The following SOX6 variants were observed in gnomAD, a reference collection of about 807,000 sequenced individuals.
SOX6 encodes the protein SRY-box transcription factor 6.
In SOX6, 11 loss-of-function variants were observed where a neutral mutation model predicts 97.8. That is an observed-to-expected ratio of 0.11 (90% CI 0.07 to 0.19). SOX6 has a LOEUF of 0.19. SOX6 is among the 10% of genes least tolerant of loss of function. SOX6 has a pLI of 1.00. For missense variants in SOX6, 810 were observed against 1,039.5 expected (o/e 0.78, Z 3.04); for synonymous variants, 360 against 371.4 (o/e 0.97, Z 0.35).
At chr11:16,572,212 T>C (rs958784740) in intron 4 of SOX6, among the ~76,000 whole-genome samples, 6 of 152,154 alleles carry the variant, frequency 3.9e-5, no homozygotes, top group Non-Finnish European at 8.8e-5. Context: ...TGAGAAGATA[T>C]GCATTTTAAC....
chr11:16,118,691 C>T (rs949766417), intron 6 of SOX6, among the ~76,000 whole-genome samples: 6 of 152,166 alleles, frequency 3.9e-5, no homozygotes, highest in African/African-American at 1.4e-4. Flanking sequence ...AGAGACCTGG[C>T]TATGTGCTAA....
chr11:16,501,515 G>A lies in SOX6; in HGVS notation n.610-25127C>T, dbSNP rs575902355. On this transcript the variant is annotated intron_variant and non_coding_transcript_variant, in intron 4 of 5. Coordinates refer to the SOX6 transcript ENST00000524520. The stretch of plus-strand genomic sequence containing the variant: ...CAGCAAAAGAAATTATCATCAGAGT[G>A]AACAGGCAACCTACAGAATGGGAGA... 6.2e-4 allele frequency among the ~76,000 whole-genome samples: 94 copies of A among 152,100 alleles called. 1 individual carries two copies. The highest frequency in any genetic ancestry group is 2.1e-3 in the African/African-American group (88 of 41,394).
At position 15,986,150 on chromosome 11, in the gene SOX6, A is replaced by G. The variant is rs1853830855; in HGVS notation, c.2183+54T>C. 6 of 1,493,580 alleles carry G rather than the reference A, an allele frequency of 4.0e-6. 1 individual carries two copies. The South Asian group carries it at 6.8e-5, about 17-fold the overall frequency. The allele number at this position is 1,493,580 out of a possible 1,614,324, so 92.5% of individuals were successfully genotyped here. A position where few individuals can be genotyped will look rare whatever the true frequency, so the allele number is the denominator to read the frequency against. Reference sequence around the variant, plus strand: ...CAAACATACTGCCAGTAGCCATCCTATAGTTACTTACCGCAAAAGTAAAGC... The same window carrying G: ...CAAACATACTGCCAGTAGCCATCCTGTAGTTACTTACCGCAAAAGTAAAGC... On this transcript the variant is annotated intron_variant, in intron 15 of 15. Coordinates refer to ENST00000683767, the MANE Select transcript of SOX6 (RefSeq NM_001367873.1).
At chr11:16,372,665 C>T (rs1449720483) in intron 1 of SOX6, among the ~76,000 whole-genome samples, 1 of 151,970 alleles carries the variant, frequency 6.6e-6, no homozygotes, top group African/African-American at 2.4e-5. Flanking sequence ...TGATTTTTCA[C>T]AGGAGAGGAA....
At chr11:16,208,345 CT>C (rs1004462778) in intron 4 of SOX6, among the ~76,000 whole-genome samples, 10 of 152,136 alleles carry the variant, frequency 6.6e-5, no homozygotes, top group Non-Finnish European at 1.5e-4. Flanking sequence ...CATAAAACTA[CT>C]TTTCTAATAA....
At chr11:16,674,996 C>T (rs1847874615) in intron 3 of SOX6, among the ~76,000 whole-genome samples, 1 of 152,112 alleles carries the variant, frequency 6.6e-6, no homozygotes, top group African/African-American at 2.4e-5. Flanking sequence ...AAACGACTAA[C>T]TCAAATTATC....
Position 16,530,822 on chromosome 11 carries a change from A to G in SOX6, n.610-54434T>C, listed in dbSNP as rs561805416. ...TGAAGGAAAGGAAGCAGAGATGACCAGATCACAACACGGATAGCCTGACTT... is the reference window on the plus strand; with the variant it reads ...TGAAGGAAAGGAAGCAGAGATGACCGGATCACAACACGGATAGCCTGACTT... On this transcript the variant is annotated intron_variant and non_coding_transcript_variant, in intron 4 of 5. Transcript: ENST00000524520. Among the ~76,000 whole-genome samples the G allele has an allele frequency of 4.6e-5, 7 of 151,940 alleles. No homozygotes were observed. In the South Asian group the frequency reaches 1.5e-3, roughly 32 times the overall value.
intron 1 of SOX6, among the ~76,000 whole-genome samples, chr11:16,373,598 C>T (rs1015067644): frequency 1.3e-5 from 2 of 151,934 alleles, no homozygotes; most frequent in Admixed American, 1.3e-4. Context: ...TTATAGGTTT[C>T]TATAATTTCC....
intron 12 of SOX6, 145 bp from the exon 13 acceptor site, chr11:16,015,195 A>T: frequency 4.1e-6 from 3 of 739,338 alleles, no homozygotes; most frequent in South Asian, 3.1e-5. Flanking sequence ...TTTCAGGAAG[A>T]TTCCGTTGAA....
intron 1 of SOX6, among the ~76,000 whole-genome samples, chr11:16,391,537 T>C (rs1363685967): frequency 6.6e-6 from 1 of 152,098 alleles, no homozygotes; most frequent in Non-Finnish European, 1.5e-5. Flanking sequence ...GTTTAGTCAG[T>C]GAATGAATTA....
rs373456359 is a variant in SOX6, at chr11:16,427,329, C to T, written c.-5+48986G>A. On this transcript the variant is annotated intron_variant, in intron 1 of 15. Transcript: ENST00000396356. ...GCAACGGACATGACCATGCACTTTT[C>T]TTTTTTTTTTTTAATTATACTTTAA... 3.4e-5 allele frequency among the ~76,000 whole-genome samples: 5 copies of T among 145,960 alleles called. No individual in the cohort carries two copies. In the South Asian group the frequency reaches 6.5e-4, roughly 19 times the overall value.
intron 3 of SOX6, among the ~76,000 whole-genome samples, chr11:16,641,520 G>A (rs199814771): frequency 0.17 from 24,916 of 149,992 alleles, 2,670 homozygotes; most frequent in East Asian, 0.32. Context: ...AAAGTCTCTC[G>A]TTATTATTGT....
At chr11:16,203,995 T>C (rs1590025326) in intron 4 of SOX6, among the ~76,000 whole-genome samples, 1 of 151,990 alleles carries the variant, frequency 6.6e-6, no homozygotes, top group African/African-American at 2.4e-5. Context: ...TAAAACCTTA[T>C]ATCAAAAAGT....
chr11:16,709,245 T>C (rs1347950992), intron 3 of SOX6, among the ~76,000 whole-genome samples: 1 of 152,118 alleles, frequency 6.6e-6, no homozygotes. Flanking sequence ...TGGCCAGGCA[T>C]GCTGGCTCAC....
At chr11:16,154,492 T>C (rs1261030558) in intron 6 of SOX6, among the ~76,000 whole-genome samples, 43 of 152,130 alleles carry the variant, frequency 2.8e-4, no homozygotes, top group Admixed American at 2.8e-3. Flanking sequence ...CTATTGATGC[T>C]TCTTTCTGCT....
intron 6 of SOX6, among the ~76,000 whole-genome samples, chr11:16,137,496 A>C (rs999348103): frequency 3.9e-5 from 6 of 152,214 alleles, no homozygotes; most frequent in African/African-American, 1.4e-4. Context: ...CACACTGTAT[A>C]ATAAAAAGTC....
intron 4 of SOX6, among the ~76,000 whole-genome samples, chr11:16,604,526 C>T (rs1848310310): frequency 6.6e-6 from 1 of 152,226 alleles, no homozygotes; most frequent in South Asian, 2.1e-4. Flanking sequence ...GAGTACGCGG[C>T]TAGCACCGGC....
At chr11:16,502,740 A>T (rs1860727355) in intron 4 of SOX6, among the ~76,000 whole-genome samples, 1 of 152,310 alleles carries the variant, frequency 6.6e-6, no homozygotes, top group South Asian at 2.1e-4. Context: ...GTGACCTAAT[A>T]TTCAAATTTT....
chr11:16,027,575 A>AT (rs1303783311), intron 12 of SOX6, among the ~76,000 whole-genome samples: 7 of 152,188 alleles, frequency 4.6e-5, no homozygotes, highest in Non-Finnish European at 1.5e-5. Context: ...TTTAAACCCA[A>AT]TTTTTAGTTC....
Sources: allele counts gnomAD v4.1 joint callset (sites outside exome capture counted in the v4.1 genomes callset), GRCh38; gene constraint gnomAD v4.1.1; transcripts MANE v1.5; gene names NCBI Gene and HGNC (gene_info 2026-07-23, HGNC 2026-07-21).